The following PPFIA2 variants were observed in gnomAD, a reference collection of about 807,000 sequenced individuals.
The protein encoded by PPFIA2 is PPFI scaffold protein A2.
PPFIA2 carries 46 observed loss-of-function variants against 175.5 expected under a neutral mutation model. That is an observed-to-expected ratio of 0.26 (90% confidence interval 0.21 to 0.34). The LOEUF is 0.34. Ranked by LOEUF, PPFIA2 falls within the 10% of genes least tolerant of loss-of-function variation. PPFIA2 has a pLI of 1.00. For missense variants in PPFIA2, 1,179 were observed against 1,506.1 expected, an observed-to-expected ratio of 0.78 and a Z score of 3.60; for synonymous variants, 568 against 511.4, an observed-to-expected ratio of 1.11 and a Z score of -1.49.
At chr12:81,661,294 C>G (rs2068819090) in intron 4 of PPFIA2, among the ~76,000 whole-genome samples, 1 of 152,160 alleles carries the variant, frequency 6.6e-6, no homozygotes, top group Non-Finnish European at 1.5e-5. Flanking sequence ...GTACTGTATT[C>G]AGGAAACCCA....
At chr12:81,291,750 A>G (rs1177161786) in intron 24 of PPFIA2, among the ~76,000 whole-genome samples, 2 of 152,152 alleles carry the variant, frequency 1.3e-5, no homozygotes, top group African/African-American at 2.4e-5. Context: ...AAAGCTTTTC[A>G]GAGGAAATAT....
chr12:81,404,582 C>T (rs900564843), intron 8 of PPFIA2, among the ~76,000 whole-genome samples: 5 of 152,186 alleles, frequency 3.3e-5, no homozygotes, highest in East Asian at 1.9e-4. Flanking sequence ...TAATGAAATA[C>T]GTCAAATTGT....
chr12:81,383,401 ATT>A (rs1224402459), intron 9 of PPFIA2, among the ~76,000 whole-genome samples: 2 of 152,150 alleles, frequency 1.3e-5, no homozygotes, highest in African/African-American at 4.8e-5. Context: ...AGGTAAAATG[ATT>A]TGACAGTGTT....
At chr12:81,369,454 G>A in intron 11 of PPFIA2, 1 of 1,288,366 alleles carries the variant, frequency 7.8e-7, no homozygotes, top group East Asian at 4.0e-5. Flanking sequence ...TGCAGACTGT[G>A]CATGGTTTGA....
At chr12:81,270,073 T>TA (rs530703543) in intron 28 of PPFIA2, among the ~76,000 whole-genome samples, 3 of 152,200 alleles carry the variant, frequency 2.0e-5, no homozygotes, top group South Asian at 4.1e-4. Flanking sequence ...CCTATTGAAA[T>TA]AAAAAAACAA....
intron 30 of PPFIA2, among the ~76,000 whole-genome samples, chr12:81,265,317 A>AAAT (rs57629428): frequency 6.6e-6 from 1 of 150,798 alleles, no homozygotes; most frequent in African/African-American, 2.4e-5. Flanking sequence ...AAAAAAAAAA[A>AAAT]TTGCCAGTTT....
intron 24 of PPFIA2, among the ~76,000 whole-genome samples, chr12:81,285,813 T>G (rs2043190909): frequency 1.3e-5 from 2 of 152,140 alleles, no homozygotes; most frequent in Admixed American, 1.3e-4. Context: ...CACACCATGA[T>G]TTTTAAATCA....
chr12:81,535,876 T>C (rs971416056), intron 4 of PPFIA2, among the ~76,000 whole-genome samples: 7 of 151,812 alleles, frequency 4.6e-5, no homozygotes, highest in African/African-American at 7.2e-5. Context: ...GCTGCCTTTG[T>C]GGTAACTGTA....
At chr12:81,550,862 C>T (rs1215296265) in intron 4 of PPFIA2, among the ~76,000 whole-genome samples, 1 of 151,772 alleles carries the variant, frequency 6.6e-6, no homozygotes, top group Non-Finnish European at 1.5e-5. Context: ...GAGGAAGAAT[C>T]TGAGATGGGA....
chr12:81,307,819 C>A (rs1480882300), intron 22 of PPFIA2, among the ~76,000 whole-genome samples: 1 of 152,286 alleles, frequency 6.6e-6, no homozygotes, highest in South Asian at 2.1e-4. Context: ...GCTCAACTAA[C>A]ACAAATATTT....
intron 15 of PPFIA2, among the ~76,000 whole-genome samples, chr12:81,361,343 C>T (rs867284021): frequency 2.1e-4 from 32 of 151,758 alleles, no homozygotes; most frequent in Middle Eastern, 3.4e-3. Context: ...TCTCCACCAT[C>T]CTCATTATAA....
At chr12:81,522,925 G>T (rs1389544515) in intron 4 of PPFIA2, among the ~76,000 whole-genome samples, 2 of 152,118 alleles carry the variant, frequency 1.3e-5, no homozygotes, top group African/African-American at 4.8e-5. Flanking sequence ...TTAGTGGACT[G>T]GGGGAATTTT....
chr12:81,479,218 T>C (rs2057879938), intron 4 of PPFIA2, among the ~76,000 whole-genome samples: 1 of 152,196 alleles, frequency 6.6e-6, no homozygotes, highest in Non-Finnish European at 1.5e-5. Context: ...AAGTCTGTTT[T>C]ATCAGAGACC....
intron 7 of PPFIA2, among the ~76,000 whole-genome samples, chr12:81,431,956 G>C (rs1441530476): frequency 6.6e-6 from 1 of 152,016 alleles, no homozygotes; most frequent in Non-Finnish European, 1.5e-5. Flanking sequence ...GCTCTTTATA[G>C]TCACTTTTGT....
intron 21 of PPFIA2, among the ~76,000 whole-genome samples, chr12:81,328,938 G>T (rs2139935285): frequency 6.6e-6 from 1 of 151,454 alleles, no homozygotes; most frequent in East Asian, 2.0e-4. Context: ...CAAGTAGCTG[G>T]GACTATAGAT....
intron 24 of PPFIA2, among the ~76,000 whole-genome samples, chr12:81,291,892 C>G (rs1360849190): frequency 6.6e-6 from 1 of 152,030 alleles, no homozygotes; most frequent in Non-Finnish European, 1.5e-5. Flanking sequence ...GTTTGAAAAA[C>G]TGAAAGTAGT....
chr12:81,573,328 C>T (rs2072913333), intron 4 of PPFIA2, among the ~76,000 whole-genome samples: 1 of 151,856 alleles, frequency 6.6e-6, no homozygotes, highest in Non-Finnish European at 1.5e-5. Flanking sequence ...CTGTCATTCA[C>T]ATTCTCTGCA....
intron 7 of PPFIA2, among the ~76,000 whole-genome samples, chr12:81,423,569 C>A (rs947059875): frequency 6.6e-6 from 1 of 151,996 alleles, no homozygotes; most frequent in Admixed American, 6.6e-5. Flanking sequence ...ATATTCTCAA[C>A]AAAATTGGTA....
chr12:81,701,936 AGTAAGAAG>A (rs2076540589), intron 3 of PPFIA2, among the ~76,000 whole-genome samples: 1 of 149,980 alleles, frequency 6.7e-6, no homozygotes, highest in African/African-American at 2.4e-5. Context: ...AAAAAAAAAA[AGTAAGAAG>A]AAAGTGGCTG....
Sources: gnomAD v4.1 joint callset for allele counts (sites outside exome capture counted in the v4.1 genomes callset) on GRCh38, gnomAD v4.1.1 for gene constraint, MANE v1.5 for transcripts, NCBI Gene and HGNC (gene_info 2026-07-23, HGNC 2026-07-21) for gene names.